Variants in ARIH1 observed in about 807,000 individuals in gnomAD.
The protein encoded by ARIH1 is E3 ubiquitin-protein ligase ARIH1.
Under a neutral mutation model 85.0 loss-of-function variants are expected in ARIH1, and 8 were observed. The observed-to-expected ratio is 0.09, with a 90% CI of 0.06 to 0.17. ARIH1 has a LOEUF of 0.17. Ranked by LOEUF, ARIH1 falls within the 10% of genes least tolerant of loss-of-function variation. The pLI is 1.00. For synonymous variants in ARIH1, 238 were observed against 253.6 expected (o/e 0.94, Z 0.59); for missense variants, 311 against 718.1 (o/e 0.43, Z 6.48).
chr15:72,519,123 T>C (rs909812239), intron 2 of ARIH1, among the ~76,000 whole-genome samples: 4 of 152,178 alleles, frequency 2.6e-5, no homozygotes, highest in Middle Eastern at 3.2e-3. Flanking sequence ...TGACAACTTA[T>C]GTTTATTTCA....
chr15:72,540,716 C>T (rs1199491617), intron 2 of ARIH1, among the ~76,000 whole-genome samples: 3 of 152,112 alleles, frequency 2.0e-5, no homozygotes, highest in African/African-American at 7.2e-5. Context: ...CCCACCTATA[C>T]TCAAGAAGGT....
chr15:72,579,178 T>A (rs1392339397), intron 11 of ARIH1, among the ~76,000 whole-genome samples: 3 of 152,218 alleles, frequency 2.0e-5, no homozygotes, highest in Non-Finnish European at 4.4e-5. Flanking sequence ...CCTCTACCTG[T>A]TGTTCCTTCT....
chr15:72,516,902 A>C (rs1425354779), intron 1 of ARIH1, among the ~76,000 whole-genome samples: 1 of 152,172 alleles, frequency 6.6e-6, no homozygotes, highest in African/African-American at 2.4e-5. Flanking sequence ...ATATGAGATA[A>C]AAATAAGCAG....
At chr15:72,554,021 G>T (rs1027161736) in intron 3 of ARIH1, among the ~76,000 whole-genome samples, 3 of 152,042 alleles carry the variant, frequency 2.0e-5, no homozygotes, top group Admixed American at 1.3e-4. Context: ...TGGAAACAAG[G>T]TTCATCTATA....
chr15:72,481,576 T>C (rs955792906), intron 1 of ARIH1, among the ~76,000 whole-genome samples: 1 of 152,038 alleles, frequency 6.6e-6, no homozygotes, highest in Non-Finnish European at 1.5e-5. Context: ...TCCCAGCTAC[T>C]TGGGAGACTT....
At chr15:72,487,603 G>A (rs934761246) in intron 1 of ARIH1, among the ~76,000 whole-genome samples, 2 of 151,926 alleles carry the variant, frequency 1.3e-5, no homozygotes, top group Non-Finnish European at 2.9e-5. Context: ...AACCATTCTT[G>A]GGATTTGAGT....
At chr15:72,478,418 A>G (rs1482440071) in intron 1 of ARIH1, among the ~76,000 whole-genome samples, 1 of 152,182 alleles carries the variant, frequency 6.6e-6, no homozygotes, top group Non-Finnish European at 1.5e-5. Context: ...CGCCCAGCCT[A>G]AAAAGTAGTT....
At chr15:72,478,913 C>T (rs2063804564) in intron 1 of ARIH1, among the ~76,000 whole-genome samples, 1 of 152,200 alleles carries the variant, frequency 6.6e-6, no homozygotes, top group Admixed American at 6.5e-5. Context: ...TCATAGCTCA[C>T]TGCAACCTCA....
At chr15:72,520,479 A>C (rs1233241931) in intron 2 of ARIH1, among the ~76,000 whole-genome samples, 2 of 152,068 alleles carry the variant, frequency 1.3e-5, no homozygotes, top group African/African-American at 4.8e-5. Context: ...AATCTGAATG[A>C]AAAAACTATT....
intron 2 of ARIH1, among the ~76,000 whole-genome samples, chr15:72,527,342 G>A (rs149551889): frequency 1.6e-3 from 250 of 152,226 alleles, no homozygotes; most frequent in African/African-American, 5.8e-3. Flanking sequence ...CCTCTGCAAC[G>A]TCTGAAAGCT....
chr15:72,483,010 T>C (rs2063822715), intron 1 of ARIH1, among the ~76,000 whole-genome samples: 1 of 151,990 alleles, frequency 6.6e-6, no homozygotes, highest in Non-Finnish European at 1.5e-5. Flanking sequence ...CCCAGCTTAT[T>C]TTTTTGTTTT....
intron 1 of ARIH1, among the ~76,000 whole-genome samples, chr15:72,513,297 C>A (rs191528271): frequency 1.3e-5 from 2 of 152,134 alleles, no homozygotes; most frequent in Admixed American, 1.3e-4. Flanking sequence ...AAAAGCTTTT[C>A]TCTTGGTCTT....
In ARIH1 at chr15:72,539,158, C is replaced by A. The variant is rs78995108; in HGVS notation, c.444-5662C>A. On this transcript the variant is annotated intron_variant, in intron 2 of 13. Coordinates refer to ENST00000379887, the MANE Select transcript of ARIH1 (RefSeq NM_005744.5). ...AAGATGCCTCAACTACAGTGCTTTA[C>A]ATTGAGTCAGTTCCTTTTTATTTTG... is the stretch of plus-strand genomic sequence containing the variant. Among the ~76,000 whole-genome samples the A allele has an allele frequency of 7.5e-4, 114 of 152,274 alleles. 1 individual carries two copies. The highest frequency in any genetic ancestry group is 2.7e-3 in the African/African-American group (112 of 41,562).
At chr15:72,529,659 G>C (rs1160476744) in intron 2 of ARIH1, among the ~76,000 whole-genome samples, 1 of 152,056 alleles carries the variant, frequency 6.6e-6, no homozygotes, top group Non-Finnish European at 1.5e-5. Flanking sequence ...TTTTATTTTT[G>C]ACCTAGGTGG....
At chr15:72,580,469 G>A (rs2064291074) in intron 11 of ARIH1, 2 of 433,498 alleles carry the variant, frequency 4.6e-6, no homozygotes, top group Admixed American at 4.1e-5. Context: ...GCTGGATTCT[G>A]TGGTGGTTTT....
Position 72,590,025 on chromosome 15 carries a change from T to C in ARIH1, c.*6733T>C, listed in dbSNP as rs1248723326. 4 of 152,178 alleles carry C rather than the reference T, an allele frequency of 2.6e-5. No individual in the cohort carries two copies. The highest frequency in any genetic ancestry group is 5.9e-5 in the Non-Finnish European group (4 of 68,014). The allele number at this position is 152,178 out of a possible 1,614,324, so 9.4% of individuals were successfully genotyped here. A position where few individuals can be genotyped will look rare whatever the true frequency, so the allele number is the denominator to read the frequency against. On this transcript the variant is annotated 3_prime_UTR_variant, in exon 14 of 14. Transcript: ENST00000379887. ...ATAAATAAGAAAATAGAAGCTCAAA[T>C]AAAATGGGTAGTTTCCTTGAGGTCA...
chr15:72,553,802 A>C (rs1184171810), intron 3 of ARIH1, among the ~76,000 whole-genome samples: 3 of 152,170 alleles, frequency 2.0e-5, no homozygotes, highest in African/African-American at 7.2e-5. Context: ...CTGTAGTCCC[A>C]GCTATTTGGG....
At chr15:72,476,153 C>T (rs1049929103) in intron 1 of ARIH1, among the ~76,000 whole-genome samples, 2 of 152,202 alleles carry the variant, frequency 1.3e-5, no homozygotes, top group Non-Finnish European at 2.9e-5. Flanking sequence ...AAGTATGTCA[C>T]TGTCAACTCG....
intron 1 of ARIH1, chr15:72,496,665 A>G (rs966764603): frequency 4.5e-6 from 1 of 224,440 alleles, no homozygotes; most frequent in Non-Finnish European, 7.4e-6. Flanking sequence ...TATGGAATAT[A>G]GATAGGGGTG....
Sources: allele counts gnomAD v4.1 joint callset (sites outside exome capture counted in the v4.1 genomes callset), GRCh38; gene constraint gnomAD v4.1.1; transcripts MANE v1.5; gene names NCBI Gene and HGNC (gene_info 2026-07-23, HGNC 2026-07-21).